The following FER1L5 variants were observed in gnomAD, a reference collection of about 807,000 sequenced individuals.
FER1L5 encodes the protein fer-1 like family member 5, also known as fer-1-like protein 5.
FER1L5 carries 187 observed loss-of-function variants against 279.9 expected under a neutral mutation model. That is an observed-to-expected ratio of 0.67 (90% CI 0.59 to 0.75). The LOEUF is 0.75. Ranked by LOEUF, FER1L5 falls within the 30% of genes least tolerant of loss-of-function variation. The probability of loss-of-function intolerance (pLI) is 0.00; values close to 1 mark genes in which losing one functional copy is unlikely to be tolerated. For missense variants in FER1L5, 2,091 were observed against 2,594.4 expected (o/e 0.81, Z 4.21); for synonymous variants, 921 against 989.7 (o/e 0.93, Z 1.30).
At chr2:96,697,863 C>T in intron 39 of FER1L5, 102 bp downstream of exon 39, 1 of 1,481,078 alleles carries the variant, frequency 6.8e-7, no homozygotes, top group Non-Finnish European at 9.2e-7. Context: ...GGGAAGGTTC[C>T]CGCACTGTCT....
chr2:96,698,933 C>T lies in FER1L5; in HGVS notation c.4518+101C>T. 12 of 1,529,038 alleles carry T rather than the reference C, an allele frequency of 7.8e-6. No homozygotes were observed. The South Asian group carries it at 1.4e-4, about 18-fold the overall frequency. 94.7% of individuals were successfully genotyped at this position (1,529,038 alleles called of 1,614,324 possible). A position where few individuals can be genotyped will look rare whatever the true frequency, so the allele number is the denominator to read the frequency against. Reference sequence around the variant, plus strand: ...GCTGACACACAGAATGCCAACTCCCCATAGGCTCCGTGTGGTGCGAGGGGC... The same window carrying T: ...GCTGACACACAGAATGCCAACTCCCTATAGGCTCCGTGTGGTGCGAGGGGC... On this transcript the variant is annotated intron_variant, in intron 41 of 52. Transcript: ENST00000624922. This position sits in a 1 kb window ranked among gnomAD's most constrained non-coding sequence, Gnocchi z 5.5.
At chr2:96,645,405 C>G (rs1043035347) in intron 1 of FER1L5, among the ~76,000 whole-genome samples, 3 of 152,118 alleles carry the variant, frequency 2.0e-5, no homozygotes, top group African/African-American at 7.2e-5. Flanking sequence ...AGAACCAGAC[C>G]TGGCAGTGGC....
At position 96,686,191 on chromosome 2, in the gene FER1L5, G is replaced by C; in HGVS notation, c.2074-4G>C. On this transcript the variant is annotated splice_region_variant and splice_polypyrimidine_tract_variant and intron_variant, in intron 22 of 52. Transcript: ENST00000624922. Reference sequence around the variant, plus strand: ...CAGGGCCTGACATTCTCCCACCTCGGCAGCCCCAGATGGGCCTCCCTGACG... The same window carrying C: ...CAGGGCCTGACATTCTCCCACCTCGCCAGCCCCAGATGGGCCTCCCTGACG... 6.5e-7 allele frequency: 1 copy of C among 1,549,818 alleles called. No individual in the cohort carries two copies. The highest frequency in any genetic ancestry group is 8.7e-7 in the Non-Finnish European group (1 of 1,145,724).
chr2:96,659,339 T>TTCCG (rs2075761949), intron 9 of FER1L5, among the ~76,000 whole-genome samples: 1 of 86,122 alleles, frequency 1.2e-5, no homozygotes, highest in African/African-American at 4.6e-5. Flanking sequence ...CCTTCCTTCC[T>TTCCG]TCCTTCCTTC....
chr2:96,699,314 A>G (rs2077503434), intron 42 of FER1L5, among the ~76,000 whole-genome samples, 178 bp downstream of exon 42: 1 of 152,050 alleles, frequency 6.6e-6, no homozygotes, highest in East Asian at 1.9e-4. Context: ...GGCCGGTTCT[A>G]CCCTGTTTCT....
chr2:96,698,181 G>A lies in FER1L5; in HGVS notation c.4356+25G>A. 11 of 1,547,588 alleles carry A rather than the reference G, an allele frequency of 7.1e-6. No homozygotes were observed. Among genetic ancestry groups the A allele is most frequent in the South Asian group, 1.2e-5 (1 of 83,566 alleles). On this transcript the variant is annotated intron_variant, in intron 40 of 52. Transcript: ENST00000624922. This position sits in a 1 kb window ranked among gnomAD's most constrained non-coding sequence, Gnocchi z 5.5. Reference sequence around the variant, plus strand: ...GGTGTGTGTCCACCCCAGCTTAGCTGCCCCTGTCTCCTTGTGCACCTTCTG... The same window carrying A: ...GGTGTGTGTCCACCCCAGCTTAGCTACCCCTGTCTCCTTGTGCACCTTCTG...
chr2:96,643,824 AGGT>A (rs2074992511), intron 1 of FER1L5, among the ~76,000 whole-genome samples: 1 of 151,482 alleles, frequency 6.6e-6, no homozygotes, highest in Non-Finnish European at 1.5e-5. Flanking sequence ...GAGAGATGTT[AGGT>A]ATATTTAGAT....
chr2:96,702,875 T>G lies in FER1L5; in HGVS notation c.5398-103T>G, dbSNP rs1172324390. 7 of 1,528,024 alleles carry G rather than the reference T, an allele frequency of 4.6e-6. No individual in the cohort carries two copies. The highest frequency in any genetic ancestry group is 6.2e-6 in the Non-Finnish European group (7 of 1,129,368). The allele number at this position is 1,528,024 out of a possible 1,614,324, so 94.7% of individuals were successfully genotyped here. ...GAAACATGTCCTCAGGTGGAAACCC[T>G]CTTCCTTGATAGTCTATCACTGCTG... On this transcript the variant is annotated intron_variant, in intron 48 of 52. Transcript: ENST00000624922. This position sits in a 1 kb window ranked among gnomAD's most constrained non-coding sequence, Gnocchi z 4.0.
chr2:96,683,817 G>A lies in FER1L5; in HGVS notation c.1670-510G>A, dbSNP rs916732364. 7.2e-5 allele frequency among the ~76,000 whole-genome samples: 11 copies of A among 152,202 alleles called. No individual in the cohort carries two copies. In the East Asian group the frequency reaches 1.5e-3, roughly 21 times the overall value. ...TCTAAGGCCAACTCGGCAGCAGTGC[G>A]GTTCAGAATCCTCTACGTTTGGTCT... On this transcript the variant is annotated intron_variant, in intron 19 of 52. Coordinates refer to ENST00000624922, the MANE Select transcript of FER1L5 (RefSeq NM_001293083.2).
At chr2:96,671,763 G>A (rs1195711556) in intron 18 of FER1L5, among the ~76,000 whole-genome samples, 2 of 152,224 alleles carry the variant, frequency 1.3e-5, no homozygotes, top group Non-Finnish European at 2.9e-5. Context: ...GGTTGGACAG[G>A]AGCCTGCAGA....
In FER1L5 at chr2:96,699,638, A is replaced by T; in HGVS notation, c.4699A>T (p.Ile1567Leu). Residue 1567 changes from isoleucine to leucine, a missense_variant, in exon 43 of 53, where the codon ATA becomes TTA. By Grantham distance (5) the Ile-to-Leu change is conservative. Transcript: ENST00000624922. The part of the protein sequence containing the change: ...DFDLFSPDDK[I>L]GTTVIDLENR... ...CGACCTATTTTCACCTGATGATAAGATAGGAACCACAGTCATCGACCTTGA... is the reference window on the plus strand; with the variant it reads ...CGACCTATTTTCACCTGATGATAAGTTAGGAACCACAGTCATCGACCTTGA... 6.2e-7 allele frequency: 1 copy of T among 1,614,042 alleles called. No individual in the cohort carries two copies. Among genetic ancestry groups the T allele is most frequent in the Non-Finnish European group, 8.5e-7 (1 of 1,179,902 alleles).
chr2:96,695,433 C>T (rs2077333831), intron 34 of FER1L5, 76 bp from the exon 35 acceptor site: 2 of 1,489,062 alleles, frequency 1.3e-6, no homozygotes, highest in African/African-American at 1.4e-5. Flanking sequence ...TGCCCCTCAG[C>T]CCCCTTCTCT....
rs1269139759 is a variant in FER1L5, at chr2:96,704,475, TGG to T, written c.5958_5959del (p.Leu1986PhefsTer16). On this transcript the variant is annotated frameshift_variant, in exon 53 of 53. Transcript: ENST00000624922. LOFTEE classifies it low-confidence loss of function (END_TRUNC). ...GTTGTCTGTTCTCTCTAGCACTATT[TGG>T]CCATGAGCTGGATCAAACCTCAACT... is the stretch of plus-strand genomic sequence containing the variant. 6.2e-7 allele frequency: 1 copy of T among 1,613,974 alleles called. No individual in the cohort carries two copies. Among genetic ancestry groups the T allele is most frequent in the Non-Finnish European group, 8.5e-7 (1 of 1,179,886 alleles).
In FER1L5 at chr2:96,704,765, T is replaced by C; in HGVS notation, c.*73T>C. On this transcript the variant is annotated 3_prime_UTR_variant, in exon 53 of 53. Coordinates refer to ENST00000624922, the MANE Select transcript of FER1L5 (RefSeq NM_001293083.2). Reference sequence around the variant, plus strand: ...TTGGGCTGGCTACCAGTTCTTTGTTTCTATCTTCTAGAATATATGCAAGAT... The same window carrying C: ...TTGGGCTGGCTACCAGTTCTTTGTTCCTATCTTCTAGAATATATGCAAGAT... 1 of 1,167,730 alleles carries C rather than the reference T, an allele frequency of 8.6e-7. No homozygotes were observed. The highest frequency in any genetic ancestry group is 1.3e-6 in the Non-Finnish European group (1 of 790,610). 72.3% of individuals were successfully genotyped at this position (1,167,730 alleles called of 1,614,324 possible).
At chr2:96,680,087 C>A (rs564245932) in intron 19 of FER1L5, among the ~76,000 whole-genome samples, 1 of 152,246 alleles carries the variant, frequency 6.6e-6, no homozygotes, top group Non-Finnish European at 1.5e-5. Context: ...CTGCGCTTCA[C>A]CCCTTGGCTT....
At chr2:96,699,863 A>G (rs1367757481) in intron 43 of FER1L5, 69 bp from the exon 44 acceptor site, 8 of 1,590,448 alleles carry the variant, frequency 5.0e-6, no homozygotes, top group African/African-American at 1.3e-5. Flanking sequence ...CCCGTGGTCA[A>G]CCTGCAGCTC....
rs1421182425 is a variant in FER1L5, at chr2:96,700,032, G to A, written c.4882G>A (p.Glu1628Lys). 2 of 1,613,984 alleles carry A rather than the reference G, an allele frequency of 1.2e-6. No homozygotes were observed. The highest frequency in any genetic ancestry group is 1.7e-5 in the Admixed American group (1 of 60,018). Residue 1628 changes from glutamate to lysine, a missense_variant, in exon 44 of 53, where the codon GAA (glutamate) becomes AAA (lysine). By Grantham distance (56) the Glu-to-Lys change is moderately conservative (BLOSUM62 1). Coordinates refer to ENST00000624922, the MANE Select transcript of FER1L5 (RefSeq NM_001293083.2). ...GLPPPLFSPE[E>K]DAVFYNGKKF... is the part of the protein sequence containing the mutation. ...ACCTCCGCCTCTGTTCAGTCCTGAG[G>A]AAGATGCTGTTTTCTATAATGGGAA...
At chr2:96,646,497 C>A in intron 2 of FER1L5, 44 bp downstream of exon 2, 1 of 1,543,730 alleles carries the variant, frequency 6.5e-7, no homozygotes, top group Non-Finnish European at 8.8e-7. Context: ...ACAACCCCAA[C>A]AGCAAGGGGG....
chr2:96,653,902 A>G (rs1271258041), intron 8 of FER1L5, 200 bp downstream of exon 8: 7 of 568,392 alleles, frequency 1.2e-5, no homozygotes, highest in Non-Finnish European at 2.2e-5. Flanking sequence ...TGGATTGCCA[A>G]CTGCCAGGCC....
Sources: allele counts gnomAD v4.1 joint callset (sites outside exome capture counted in the v4.1 genomes callset), GRCh38; gene constraint gnomAD v4.1.1; non-coding constraint Gnocchi (gnomAD v3.1); transcripts MANE v1.5; gene names NCBI Gene and HGNC (gene_info 2026-07-23, HGNC 2026-07-21).